SVEP1: variants seen among roughly 807,000 people sequenced by gnomAD.
SVEP1 encodes sushi, von Willebrand factor type A, EGF and pentraxin domain containing 1.
A neutral mutation model predicts 367.3 loss-of-function variants in SVEP1; 164 were observed. That is an observed-to-expected ratio of 0.45 (90% CI 0.39 to 0.51). The LOEUF is 0.51. SVEP1 is among the 20% of genes least tolerant of loss of function. SVEP1 has a pLI of 0.00. For synonymous variants in SVEP1, 1,666 were observed against 1,611.6 expected, an observed-to-expected ratio of 1.03 and a Z score of -0.81; for missense variants, 4,117 against 4,425.3, an observed-to-expected ratio of 0.93 and a Z score of 1.98.
rs868612511 is a variant in SVEP1, at chr9:110,387,423, C to T, written c.9922G>A (p.Gly3308Arg). 1 of 1,611,596 alleles carries T rather than the reference C, an allele frequency of 6.2e-7. No individual in the cohort carries two copies. Residue 3308 changes from glycine (G) to arginine (R), a missense_variant, in exon 42 of 48, where the codon GGG becomes AGG. Gly to Arg is a moderately radical substitution (Grantham distance 125). Transcript: ENST00000374469. ...RCETPLEFLN[G>R]KADIENRTTG... The stretch of plus-strand genomic sequence containing the variant: ...GTCCTGTTTTCAATGTCAGCTTTCC[C>T]ATTGAGAAATTCAAGTGGAGTTTCA...
At chr9:110,375,624 T>A (rs1007461507) in intron 45 of SVEP1, among the ~76,000 whole-genome samples, 161 bp from the exon 46 acceptor site, 5 of 152,216 alleles carry the variant, frequency 3.3e-5, no homozygotes, top group Non-Finnish European at 7.3e-5. Context: ...TTCTGCTTAT[T>A]AATGAGTATC....
rs1171629916 is a variant in SVEP1 at position 110,446,033 on chromosome 9, A to G, written c.4267T>C (p.Ser1423Pro). The G allele has an allele frequency of 2.5e-6, 4 of 1,608,152 alleles. No individual in the cohort carries two copies. The highest frequency in any genetic ancestry group is 1.7e-5 in the Admixed American group (1 of 58,784). Residue 1423 changes from serine (S) to proline (P), a missense_variant, in exon 26 of 48, where the codon TCT becomes CCT. Ser to Pro is a moderately conservative substitution (Grantham distance 74). Around this residue, in one of 4 missense-constraint regions of SVEP1, gnomAD observed 2,174 missense variants for 2,494.3 expected, o/e 0.87. Coordinates refer to ENST00000374469, the MANE Select transcript of SVEP1 (RefSeq NM_153366.4). ...TCAAAATCCAGGTTAAAGCCTGTAG[A>G]CTGTTCTGCAATGAATAAGAAAAGT... ...FSGKRCETEQ[S>P]TGFNLDFEVS...
At chr9:110,480,666 C>A (rs1196575042) in intron 12 of SVEP1, among the ~76,000 whole-genome samples, 1 of 151,944 alleles carries the variant, frequency 6.6e-6, no homozygotes, top group Non-Finnish European at 1.5e-5. Context: ...GGGTCTCATT[C>A]TGTCACCCAA....
At position 110,503,031 on chromosome 9, in the gene SVEP1, A is replaced by T; in HGVS notation, c.1483+7T>A. On this transcript the variant is annotated splice_region_variant and intron_variant, in intron 6 of 47. Coordinates refer to ENST00000374469, the MANE Select transcript of SVEP1 (RefSeq NM_153366.4). The stretch of plus-strand genomic sequence containing the variant: ...CACTCAAGGCATTACACCTTCTAGA[A>T]ACTTACCCACACACCGGGGTTCTGG... 3 of 1,608,496 alleles carry T rather than the reference A, an allele frequency of 1.9e-6. No individual in the cohort carries two copies. The highest frequency in any genetic ancestry group is 2.2e-5 in the South Asian group (2 of 89,940).
At position 110,483,641 on chromosome 9, in the gene SVEP1, G is replaced by T. The variant is rs564080859; in HGVS notation, c.1983C>A (p.Val661=). 6.2e-7 allele frequency: 1 copy of T among 1,611,970 alleles called. No individual in the cohort carries two copies. The highest frequency in any genetic ancestry group is 1.7e-5 in the Admixed American group (1 of 59,882). ...DWCRSPPPVQ[V]SEKVHAASWD... ...AGCTTGCGGCATGTACCTTCTCCGA[G>T]ACCTGGACGGGAGGTGGAGATCTGC... The change falls in exon 10 of 48, where the codon GTC becomes GTA. Residue 661 remains valine (V), a synonymous_variant. Coordinates refer to ENST00000374469, the MANE Select transcript of SVEP1 (RefSeq NM_153366.4).
intron 14 of SVEP1, 152 bp downstream of exon 14, chr9:110,476,052 T>G (rs1000330064): frequency 7.1e-6 from 4 of 560,966 alleles, no homozygotes; most frequent in Non-Finnish European, 1.2e-5. Flanking sequence ...CTTAATGATC[T>G]TTCAGCACAT....
At chr9:110,396,439 C>G (rs1482063342) in intron 40 of SVEP1, among the ~76,000 whole-genome samples, 1 of 152,072 alleles carries the variant, frequency 6.6e-6, no homozygotes, top group African/African-American at 2.4e-5. Flanking sequence ...ACTAAAAGAA[C>G]TAGAGAAGCA....
At chr9:110,484,786 C>T (rs1430516601) in intron 9 of SVEP1, among the ~76,000 whole-genome samples, 3 of 151,724 alleles carry the variant, frequency 2.0e-5, no homozygotes, top group Non-Finnish European at 4.4e-5. Context: ...CATGAACAGA[C>T]ACTTTTCAAA....
chr9:110,407,433 G>A lies in SVEP1; in HGVS notation c.8167C>T (p.Pro2723Ser). The A allele has an allele frequency of 1.2e-6, 2 of 1,613,992 alleles. No homozygotes were observed. Among genetic ancestry groups the A allele is most frequent in the Non-Finnish European group, 1.7e-6 (2 of 1,179,894 alleles). ...ISIECDLPTA[P>S]ENGFLRFTET... is the part of the protein sequence containing the mutation. ...GTAAAACGCAAAAAGCCATTTTCAGGAGCAGTAGGCAAGTCACATTCAATT... is the reference window on the plus strand; with the variant it reads ...GTAAAACGCAAAAAGCCATTTTCAGAAGCAGTAGGCAAGTCACATTCAATT... Residue 2723 changes from proline (P) to serine (S), a missense_variant, in exon 38 of 48, where the codon CCT becomes TCT. Coordinates refer to ENST00000374469, the MANE Select transcript of SVEP1 (RefSeq NM_153366.4).
rs1280827343 is a variant in SVEP1 at position 110,411,704 on chromosome 9, A to G, written c.6007T>C (p.Cys2003Arg). 6.3e-7 allele frequency: 1 copy of G among 1,591,004 alleles called. No homozygotes were observed. Among genetic ancestry groups the G allele is most frequent in the Non-Finnish European group, 8.6e-7 (1 of 1,168,660 alleles). The change falls in exon 37 of 48, where the codon TGC becomes CGC. Residue 2003 changes from cysteine to arginine, a missense_variant. By Grantham distance (180) the Cys-to-Arg change is radical. Coordinates refer to ENST00000374469, the MANE Select transcript of SVEP1 (RefSeq NM_153366.4). ...CTACTCCACTTGCCGTCGGCCAGGC[A>G]TTCAATGGTGTCAAGACCAGCAAGA... is the stretch of plus-strand genomic sequence containing the variant. ...YTLAGLDTIECLADGKWSRSD... is the reference protein window; with the variant it reads ...YTLAGLDTIERLADGKWSRSD...
chr9:110,529,052 T>G (rs1380971453), intron 3 of SVEP1, among the ~76,000 whole-genome samples: 1 of 152,080 alleles, frequency 6.6e-6, no homozygotes, highest in Non-Finnish European at 1.5e-5. Context: ...AATTTTTTTA[T>G]ACGGTGAGAG....
At chr9:110,400,774 A>T (rs1685937096) in intron 40 of SVEP1, 80 bp downstream of exon 40, 1 of 1,432,504 alleles carries the variant, frequency 7.0e-7, no homozygotes, top group Non-Finnish European at 9.3e-7. Context: ...TCAGTAAAAC[A>T]AATTTGTGCT....
At chr9:110,368,929 G>A (rs1162707337) in intron 47 of SVEP1, among the ~76,000 whole-genome samples, 1 of 152,038 alleles carries the variant, frequency 6.6e-6, no homozygotes, top group African/African-American at 2.4e-5. Context: ...ATATTTGCAA[G>A]TTGACTTTGA....
Position 110,406,506 on chromosome 9 carries a change from A to T in SVEP1, c.9094T>A (p.Cys3032Ser). Reference sequence around the variant, plus strand: ...CCTAGGAGCTTGAAGCCTTTGAAGCACTGAATCCGGGCTGCCTTTCCACAG... The same window carrying T: ...CCTAGGAGCTTGAAGCCTTTGAAGCTCTGAATCCGGGCTGCCTTTCCACAG... ...FDCGKAARIQ[C>S]FKGFKLLGLS... The change falls in exon 38 of 48, where the codon TGC (cysteine) becomes AGC (serine). Residue 3032 changes from cysteine (C) to serine (S), a missense_variant. Coordinates refer to ENST00000374469, the MANE Select transcript of SVEP1 (RefSeq NM_153366.4). The T allele has an allele frequency of 6.2e-7, 1 of 1,613,830 alleles. No homozygotes were observed. The highest frequency in any genetic ancestry group is 8.5e-7 in the Non-Finnish European group (1 of 1,179,872).
chr9:110,497,197 T>TTAC (rs1440381767), intron 7 of SVEP1, among the ~76,000 whole-genome samples: 2 of 152,152 alleles, frequency 1.3e-5, no homozygotes, highest in African/African-American at 4.8e-5. Flanking sequence ...CCACATTGAG[T>TTAC]TACTGTCAGG....
At chr9:110,440,068 C>T (rs1828490385) in intron 27 of SVEP1, among the ~76,000 whole-genome samples, 1 of 152,058 alleles carries the variant, frequency 6.6e-6, no homozygotes, top group South Asian at 2.1e-4. Context: ...AAAACAAGAA[C>T]ACACTAAATG....
intron 29 of SVEP1, 35 bp downstream of exon 29, chr9:110,435,206 A>G (rs931067812): frequency 6.2e-7 from 1 of 1,607,860 alleles, no homozygotes. Flanking sequence ...GGTGGTCAAG[A>G]GATAGTGGAG....
intron 5 of SVEP1, among the ~76,000 whole-genome samples, chr9:110,507,590 G>A (rs1301064182): frequency 6.6e-6 from 1 of 152,158 alleles, no homozygotes; most frequent in African/African-American, 2.4e-5. Flanking sequence ...CCAAAGTCAA[G>A]TATTAATAAA....
chr9:110,428,103 G>A (rs1301800897), intron 35 of SVEP1, among the ~76,000 whole-genome samples: 2 of 152,114 alleles, frequency 1.3e-5, no homozygotes, highest in Admixed American at 6.6e-5. Flanking sequence ...AATCCAGCAG[G>A]AAGAAAGACA....
Sources: gnomAD v4.1 joint callset for allele counts (sites outside exome capture counted in the v4.1 genomes callset) on GRCh38, gnomAD v4.1.1 for gene constraint, gnomAD v4.1.1 regional missense constraint, MANE v1.5 for transcripts, NCBI Gene and HGNC (gene_info 2026-07-23, HGNC 2026-07-21) for gene names.